The following ERC1 variants were observed in gnomAD, a reference collection of about 807,000 sequenced individuals.
ERC1 encodes the protein RAB6 interacting protein 2.
ERC1 carries 56 observed loss-of-function variants against 132.0 expected under a neutral mutation model. The observed-to-expected ratio is 0.42, with a 90% CI of 0.34 to 0.53. The LOEUF is 0.53. Ranked by LOEUF, ERC1 falls within the 20% of genes least tolerant of loss-of-function variation. The pLI is 0.03. For synonymous variants in ERC1, 478 were observed against 476.1 expected, an observed-to-expected ratio of 1.00 and a Z score of -0.05; for missense variants, 1,202 against 1,349.9, an observed-to-expected ratio of 0.89 and a Z score of 1.72.
In ERC1 at chr12:1,481,785, C is replaced by T. The variant is rs558252246; in HGVS notation, c.3214-8308C>T. ...TAGTCTGCCTCTGGTTTTTTTTTCTCCTTAATCTTATTCCACCATTTCTTG... is the reference window on the plus strand; with the variant it reads ...TAGTCTGCCTCTGGTTTTTTTTTCTTCTTAATCTTATTCCACCATTTCTTG... On this transcript the variant is annotated intron_variant, in intron 18 of 18. Transcript: ENST00000360905. Among the ~76,000 whole-genome samples, 4 of 151,870 alleles carry T rather than the reference C, an allele frequency of 2.6e-5. No individual in the cohort carries two copies. The South Asian group carries it at 8.3e-4, about 32-fold the overall frequency.
At chr12:1,000,914 C>A (rs529936083) in intron 1 of ERC1, among the ~76,000 whole-genome samples, 1 of 151,938 alleles carries the variant, frequency 6.6e-6, no homozygotes, top group African/African-American at 2.4e-5. Flanking sequence ...TTTTAATTAA[C>A]TTTTTTGTTT....
At chr12:1,440,687 G>A (rs1431734371) in intron 17 of ERC1, among the ~76,000 whole-genome samples, 7 of 139,130 alleles carry the variant, frequency 5.0e-5, no homozygotes, top group East Asian at 2.3e-4. Context: ...TCACTCTGTC[G>A]CCCAGGCTGG....
At chr12:1,103,428 A>G (rs1944897617) in intron 3 of ERC1, among the ~76,000 whole-genome samples, 1 of 152,244 alleles carries the variant, frequency 6.6e-6, no homozygotes. Flanking sequence ...TTATGTTTAC[A>G]AGGGTCACTT....
At chr12:1,377,363 C>T (rs1415176892) in intron 16 of ERC1, among the ~76,000 whole-genome samples, 3 of 152,110 alleles carry the variant, frequency 2.0e-5, no homozygotes, top group Non-Finnish European at 4.4e-5. Flanking sequence ...TTGAATTGGC[C>T]GTTTCTGCAA....
intron 12 of ERC1, among the ~76,000 whole-genome samples, chr12:1,191,768 G>T (rs1422334101): frequency 6.6e-6 from 1 of 151,594 alleles, no homozygotes; most frequent in Non-Finnish European, 1.5e-5. Context: ...ATAAAAGTTG[G>T]AAAAAGCACT....
At chr12:1,467,921 C>T (rs557330959) in intron 18 of ERC1, among the ~76,000 whole-genome samples, 1 of 152,178 alleles carries the variant, frequency 6.6e-6, no homozygotes, top group African/African-American at 2.4e-5. Context: ...TGACAAGAGA[C>T]GGAACTCAGG....
At position 1,236,769 on chromosome 12, in the gene ERC1, G is replaced by T; in HGVS notation, c.2352G>T (p.Arg784Ser). 1.2e-6 allele frequency: 2 copies of T among 1,612,806 alleles called. No individual in the cohort carries two copies. The highest frequency in any genetic ancestry group is 2.2e-5 in the South Asian group (2 of 90,886). ...DKDKKIAELERQVKDQNKKVA... is the reference protein window; with the variant it reads ...DKDKKIAELESQVKDQNKKVA... The stretch of plus-strand genomic sequence containing the variant: ...TTGATTTTTCTCCTTCTGTCATTAG[G>T]CAAGTGAAAGACCAGAATAAGAAGG... The change falls in exon 13 of 19, where the codon AGG becomes AGT. Residue 784 changes from arginine (R) to serine (S), a missense_variant and splice_region_variant. Coordinates refer to ENST00000360905, the MANE Select transcript of ERC1 (RefSeq NM_178040.4).
At chr12:1,162,406 C>G (rs1385625918) in intron 8 of ERC1, among the ~76,000 whole-genome samples, 2 of 151,852 alleles carry the variant, frequency 1.3e-5, no homozygotes, top group African/African-American at 4.8e-5. Flanking sequence ...TTTGCTTACA[C>G]AGATGCTATC....
At chr12:1,382,111 T>C (rs1044160729) in intron 16 of ERC1, among the ~76,000 whole-genome samples, 2 of 152,174 alleles carry the variant, frequency 1.3e-5, no homozygotes, top group Non-Finnish European at 2.9e-5. Flanking sequence ...AAATAGTAAC[T>C]GAGTGTCAGG....
chr12:1,454,027 A>T (rs2093478351), intron 18 of ERC1, among the ~76,000 whole-genome samples: 1 of 151,952 alleles, frequency 6.6e-6, no homozygotes, highest in Non-Finnish European at 1.5e-5. Flanking sequence ...CCTGTGATAG[A>T]TGGTTGGGAC....
chr12:1,359,458 T>A (rs73038684), intron 15 of ERC1, among the ~76,000 whole-genome samples: 9,576 of 152,186 alleles, frequency 0.063, 343 homozygotes, highest in South Asian at 0.13. Context: ...TGGAAGCTGG[T>A]AAGTCCAAAA....
intron 15 of ERC1, among the ~76,000 whole-genome samples, chr12:1,315,107 C>T (rs2081591690): frequency 6.6e-6 from 1 of 152,102 alleles, no homozygotes; most frequent in Non-Finnish European, 1.5e-5. Context: ...GCAACCTCTG[C>T]CTCCCGGGTT....
At chr12:1,253,234 T>C (rs902139906) in intron 13 of ERC1, among the ~76,000 whole-genome samples, 2 of 152,204 alleles carry the variant, frequency 1.3e-5, no homozygotes, top group Non-Finnish European at 2.9e-5. Context: ...TAGGGAGATC[T>C]ACCATCATCA....
At chr12:1,291,355 G>T (rs188275311) in intron 15 of ERC1, among the ~76,000 whole-genome samples, 4 of 152,198 alleles carry the variant, frequency 2.6e-5, no homozygotes, top group Non-Finnish European at 4.4e-5. Flanking sequence ...AAAGCTTGCA[G>T]GTTTAAGTAG....
chr12:1,333,529 C>A (rs1477995701), intron 15 of ERC1, among the ~76,000 whole-genome samples: 2 of 151,914 alleles, frequency 1.3e-5, no homozygotes, highest in Non-Finnish European at 2.9e-5. Context: ...GACGGGGTTT[C>A]ACCATGTTGG....
intron 1 of ERC1, among the ~76,000 whole-genome samples, chr12:1,013,100 T>C (rs1455085902): frequency 6.6e-6 from 1 of 152,202 alleles, no homozygotes; most frequent in African/African-American, 2.4e-5. Context: ...CTGATCACGA[T>C]GTAGTATGAG....
chr12:1,211,364 G>T (rs1957853746), intron 12 of ERC1, among the ~76,000 whole-genome samples: 4 of 152,084 alleles, frequency 2.6e-5, no homozygotes. Context: ...GGTCAGGCTG[G>T]TCTCGAATTC....
intron 17 of ERC1, among the ~76,000 whole-genome samples, chr12:1,440,530 C>A: frequency 7.3e-6 from 1 of 137,452 alleles, no homozygotes; most frequent in Non-Finnish European, 1.5e-5. Flanking sequence ...TTAATAGAGA[C>A]AGAGTCTTGC....
intron 18 of ERC1, among the ~76,000 whole-genome samples, chr12:1,453,473 G>A (rs2093467474): frequency 6.6e-6 from 1 of 152,120 alleles, no homozygotes; most frequent in African/African-American, 2.4e-5. Context: ...GGAAAATTTG[G>A]CCTTATGTCT....
Sources: allele counts gnomAD v4.1 joint callset (sites outside exome capture counted in the v4.1 genomes callset), GRCh38; gene constraint gnomAD v4.1.1; transcripts MANE v1.5; gene names NCBI Gene and HGNC (gene_info 2026-07-23, HGNC 2026-07-21).